ANXA4: variants seen among roughly 807,000 people sequenced by gnomAD.
ANXA4 encodes the protein 35-beta calcimedin.
A neutral mutation model predicts 49.8 loss-of-function variants in ANXA4; 39 were observed. That is an observed-to-expected ratio of 0.78 (90% CI 0.61 to 1.02). ANXA4 has a LOEUF of 1.02. Ranked by LOEUF, ANXA4 falls within the 50% of genes least tolerant of loss-of-function variation. The pLI is 0.00. For synonymous variants in ANXA4, 134 were observed against 152.5 expected (o/e 0.88, Z 0.89); for missense variants, 360 against 410.1 (o/e 0.88, Z 1.05).
At chr2:69,655,469 C>T (rs1676403071) in intron 2 of ANXA4, among the ~76,000 whole-genome samples, 2 of 152,020 alleles carry the variant, frequency 1.3e-5, no homozygotes, top group South Asian at 2.1e-4. Context: ...AAATCAAAAC[C>T]ACAATGAGAT....
At chr2:69,686,992 G>C (rs1360122048) in intron 2 of ANXA4, among the ~76,000 whole-genome samples, 9 of 152,254 alleles carry the variant, frequency 5.9e-5, no homozygotes, top group Admixed American at 5.9e-4. Flanking sequence ...GATCAGAGCA[G>C]AGGATGGCAG....
At chr2:69,669,739 T>A (rs186184280) in intron 2 of ANXA4, among the ~76,000 whole-genome samples, 6 of 152,308 alleles carry the variant, frequency 3.9e-5, no homozygotes, top group Admixed American at 6.5e-5. Flanking sequence ...ACATAGTTTA[T>A]ATAATCTAAT....
At chr2:69,714,502 C>A (rs181430221) in intron 2 of ANXA4, among the ~76,000 whole-genome samples, 3 of 152,332 alleles carry the variant, frequency 2.0e-5, no homozygotes, top group African/African-American at 7.2e-5. Context: ...TCCACCTGCC[C>A]CAGTCCAGCC....
chr2:69,715,377 T>C (rs1678846409), intron 2 of ANXA4, among the ~76,000 whole-genome samples: 1 of 152,038 alleles, frequency 6.6e-6, no homozygotes, highest in Non-Finnish European at 1.5e-5. Context: ...CTGGCTACTT[T>C]TTGTATTTTT....
chr2:69,672,223 T>TTTTA (rs142289857), intron 2 of ANXA4, among the ~76,000 whole-genome samples: 1,996 of 151,944 alleles, frequency 0.013, 41 homozygotes, highest in African/African-American at 0.045. Flanking sequence ...TTATTATGTA[T>TTTTA]TTTATTTATT....
At chr2:69,792,863 C>T (rs1277356589) in intron 3 of ANXA4, among the ~76,000 whole-genome samples, 1 of 151,408 alleles carries the variant, frequency 6.6e-6, no homozygotes, top group African/African-American at 2.4e-5. Context: ...TGTTTGACTC[C>T]TTTCAGCATA....
At chr2:69,666,315 C>A (rs1445587084) in intron 2 of ANXA4, among the ~76,000 whole-genome samples, 2 of 152,062 alleles carry the variant, frequency 1.3e-5, no homozygotes, top group African/African-American at 4.8e-5. Context: ...ATTGGGGTAG[C>A]TGTAATTGAA....
chr2:69,812,637 T>G lies in ANXA4; in HGVS notation c.478-16T>G, dbSNP rs1673757773. On this transcript the variant is annotated splice_polypyrimidine_tract_variant and intron_variant, in intron 7 of 12. Coordinates refer to ENST00000394295, the MANE Select transcript of ANXA4 (RefSeq NM_001153.5). Reference sequence around the variant, plus strand: ...ATACTCTCGAATTATTTTTTATTTGTTTTTCTCATCCTCAGGGTGGGAGGG... The same window carrying G: ...ATACTCTCGAATTATTTTTTATTTGGTTTTCTCATCCTCAGGGTGGGAGGG... 1.2e-6 allele frequency: 2 copies of G among 1,611,224 alleles called. No homozygotes were observed. The highest frequency in any genetic ancestry group is 1.7e-6 in the Non-Finnish European group (2 of 1,178,024).
chr2:69,762,879 A>G (rs1345719590), intron 1 of ANXA4, among the ~76,000 whole-genome samples: 1 of 151,534 alleles, frequency 6.6e-6, no homozygotes, highest in Non-Finnish European at 1.5e-5. Flanking sequence ...ACTCACACAC[A>G]CTCATACTCA....
intron 6 of ANXA4, 119 bp downstream of exon 6, chr2:69,808,115 C>A: frequency 4.4e-6 from 4 of 912,552 alleles, no homozygotes; most frequent in Non-Finnish European, 6.8e-6. Context: ...GAGGGATCCT[C>A]GGTGCCAAGC....
At chr2:69,798,360 A>G (rs914279694) in intron 3 of ANXA4, among the ~76,000 whole-genome samples, 8 of 152,144 alleles carry the variant, frequency 5.3e-5, no homozygotes, top group African/African-American at 1.9e-4. Context: ...CAGAGAGGAG[A>G]TGGGAGACAT....
chr2:69,716,599 T>C (rs557408829), intron 2 of ANXA4, among the ~76,000 whole-genome samples: 5 of 152,196 alleles, frequency 3.3e-5, no homozygotes, highest in Admixed American at 1.3e-4. Context: ...CAAGCAGTGG[T>C]GTGACATGCT....
upstream of ANXA4, chr2:69,643,905 G>A (rs1675884167): frequency 8.6e-7 from 1 of 1,163,980 alleles, no homozygotes; most frequent in Non-Finnish European, 1.1e-6. Flanking sequence ...ACCGCGAGAA[G>A]AGGACTGGGG....
At chr2:69,765,023 C>G (rs1671443006) in intron 1 of ANXA4, among the ~76,000 whole-genome samples, 1 of 152,176 alleles carries the variant, frequency 6.6e-6, no homozygotes, top group South Asian at 2.1e-4. Flanking sequence ...TTTCCTTCCT[C>G]TGTAAGGTTG....
In ANXA4 at chr2:69,816,304, T is replaced by C. The variant is rs1340917367; in HGVS notation, c.628+110T>C. ...CCTTCAGTTGGTACAAAGAACTGATTGTACCCAAGTGTCTTAGATTCTCAC... is the reference window on the plus strand; with the variant it reads ...CCTTCAGTTGGTACAAAGAACTGATCGTACCCAAGTGTCTTAGATTCTCAC... On this transcript the variant is annotated intron_variant, in intron 9 of 12. Transcript: ENST00000394295. 5.0e-6 allele frequency: 4 copies of C among 804,078 alleles called. No homozygotes were observed. The Admixed American group carries it at 9.0e-5, about 18-fold the overall frequency. The allele number at this position is 804,078 out of a possible 1,614,324, so 49.8% of individuals were successfully genotyped here. A position where few individuals can be genotyped will look rare whatever the true frequency, so the allele number is the denominator to read the frequency against.
intron 2 of ANXA4, among the ~76,000 whole-genome samples, chr2:69,714,264 C>T (rs1360728367): frequency 6.6e-6 from 1 of 152,134 alleles, no homozygotes; most frequent in Non-Finnish European, 1.5e-5. Flanking sequence ...CTGGGAGCCC[C>T]ACCAGAACCC....
At chr2:69,740,865 T>G (rs932807975), upstream of ANXA4, among the ~76,000 whole-genome samples, 24 of 148,228 alleles carry the variant, frequency 1.6e-4, no homozygotes, top group Non-Finnish European at 2.6e-4. Context: ...GTTTTTTTTT[T>G]TTTTTTTTTT....
At chr2:69,684,751 C>T (rs1278220501) in intron 2 of ANXA4, among the ~76,000 whole-genome samples, 2 of 151,384 alleles carry the variant, frequency 1.3e-5, no homozygotes. Context: ...GGGCCACTGT[C>T]AATGGGGGAC....
At chr2:69,821,408 G>A (rs1029451889) in intron 12 of ANXA4, among the ~76,000 whole-genome samples, 4 of 152,170 alleles carry the variant, frequency 2.6e-5, no homozygotes, top group Admixed American at 6.5e-5. Context: ...CGTTCGATCT[G>A]TGAACTAAAT....
Sources: allele counts gnomAD v4.1 joint callset (sites outside exome capture counted in the v4.1 genomes callset), GRCh38; gene constraint gnomAD v4.1.1; transcripts MANE v1.5; gene names NCBI Gene and HGNC (gene_info 2026-07-23, HGNC 2026-07-21).